COL19A1: variants seen among roughly 807,000 people sequenced by gnomAD.
COL19A1 encodes the protein collagen type XIX alpha 1 chain.
A neutral mutation model predicts 190.2 loss-of-function variants in COL19A1; 159 were observed. That is an observed-to-expected ratio of 0.84 (90% CI 0.73 to 0.95). COL19A1 has a LOEUF of 0.95. Ranked by LOEUF, COL19A1 falls within the 40% of genes least tolerant of loss-of-function variation. The probability of loss-of-function intolerance (pLI) is 0.00; values close to 1 mark genes in which losing one functional copy is unlikely to be tolerated. For synonymous variants in COL19A1, 509 were observed against 458.9 expected (o/e 1.11, Z -1.39); for missense variants, 1,418 against 1,431.9 (o/e 0.99, Z 0.16).
chr6:69,989,074 G>A (rs991229692), intron 11 of COL19A1, among the ~76,000 whole-genome samples: 2 of 152,080 alleles, frequency 1.3e-5, no homozygotes, highest in African/African-American at 2.4e-5. Context: ...TCAGCCCCAT[G>A]GCATTTCCCT....
chr6:70,154,112 C>G (rs1347290665), intron 31 of COL19A1, among the ~76,000 whole-genome samples: 4 of 149,476 alleles, frequency 2.7e-5, no homozygotes, highest in African/African-American at 7.5e-5. Flanking sequence ...CCCCTACCCC[C>G]CCCAACCCCC....
intron 4 of COL19A1, among the ~76,000 whole-genome samples, chr6:69,925,145 C>T (rs553394675): frequency 6.6e-6 from 1 of 152,304 alleles, no homozygotes; most frequent in Admixed American, 6.5e-5. Context: ...GTGTTTTAGA[C>T]ATGAAGTCTT....
chr6:70,141,731 T>G (rs1365657412), intron 20 of COL19A1, among the ~76,000 whole-genome samples, 162 bp from the exon 21 acceptor site: 1 of 152,084 alleles, frequency 6.6e-6, no homozygotes, highest in Non-Finnish European at 1.5e-5. Flanking sequence ...TAGTAAGTAT[T>G]TTGAATCATG....
At chr6:70,123,886 C>T (rs1054582424) in intron 17 of COL19A1, among the ~76,000 whole-genome samples, 5 of 150,170 alleles carry the variant, frequency 3.3e-5, no homozygotes, top group African/African-American at 9.8e-5. Flanking sequence ...GGGTGCAGCA[C>T]ACCAGCATGG....
At chr6:70,022,532 T>C (rs1440285096) in intron 11 of COL19A1, among the ~76,000 whole-genome samples, 1 of 152,166 alleles carries the variant, frequency 6.6e-6, no homozygotes, top group Non-Finnish European at 1.5e-5. Flanking sequence ...TTTTCAAAAA[T>C]TGTATTATAC....
chr6:69,988,064 G>A (rs1466592426), intron 11 of COL19A1, among the ~76,000 whole-genome samples: 1 of 152,166 alleles, frequency 6.6e-6, no homozygotes, highest in Non-Finnish European at 1.5e-5. Context: ...TGACCCTGCT[G>A]TAAGAAACAG....
chr6:69,881,660 T>G (rs535542695), intron 2 of COL19A1, among the ~76,000 whole-genome samples: 3 of 152,326 alleles, frequency 2.0e-5, no homozygotes, highest in South Asian at 4.1e-4. Context: ...TTCCCAACAA[T>G]GTGAATTCAA....
intron 24 of COL19A1, among the ~76,000 whole-genome samples, chr6:70,144,654 A>C (rs1430979303): frequency 1.3e-5 from 2 of 152,208 alleles, no homozygotes; most frequent in Non-Finnish European, 2.9e-5. Flanking sequence ...ATTTATTAAT[A>C]GATATGCCCT....
chr6:70,152,981 A>G (rs566536195), intron 31 of COL19A1, among the ~76,000 whole-genome samples: 3 of 152,118 alleles, frequency 2.0e-5, no homozygotes, highest in African/African-American at 7.2e-5. Context: ...CTAATTGACA[A>G]TCTCGCCCGG....
At chr6:70,105,645 A>C (rs1783907901) in intron 16 of COL19A1, among the ~76,000 whole-genome samples, 1 of 152,130 alleles carries the variant, frequency 6.6e-6, no homozygotes, top group Non-Finnish European at 1.5e-5. Flanking sequence ...CCTTTATGAC[A>C]TGCATCTTAC....
chr6:69,986,590 G>T (rs1354644457), intron 11 of COL19A1, among the ~76,000 whole-genome samples: 1 of 152,126 alleles, frequency 6.6e-6, no homozygotes, highest in Non-Finnish European at 1.5e-5. Flanking sequence ...TTATTTTAAT[G>T]TGCAAACCTA....
chr6:70,198,533 AT>A (rs1168252266), intron 48 of COL19A1, among the ~76,000 whole-genome samples: 2 of 152,290 alleles, frequency 1.3e-5, no homozygotes, highest in African/African-American at 4.8e-5. Context: ...CATATATTAG[AT>A]TTTTTAAATG....
In COL19A1 at chr6:70,165,932, C is replaced by A. The variant is rs1394858973; in HGVS notation, c.2401-9C>A. 4 of 1,613,566 alleles carry A rather than the reference C, an allele frequency of 2.5e-6. No individual in the cohort carries two copies. Among genetic ancestry groups the A allele is most frequent in the South Asian group, 1.1e-5 (1 of 91,052 alleles). Reference sequence around the variant, plus strand: ...CTACGCCGCTGATATGTCTATATATCCCTTGCAGGGCAGCGACGGACCCCC... The same window carrying A: ...CTACGCCGCTGATATGTCTATATATACCTTGCAGGGCAGCGACGGACCCCC... On this transcript the variant is annotated splice_polypyrimidine_tract_variant and intron_variant, in intron 36 of 50. Transcript: ENST00000620364.
intron 12 of COL19A1, among the ~76,000 whole-genome samples, chr6:70,025,470 G>A (rs903418231): frequency 1.3e-5 from 2 of 152,200 alleles, no homozygotes; most frequent in African/African-American, 4.8e-5. Flanking sequence ...TACATGTAAG[G>A]CACAGTGAGA....
At chr6:70,008,287 C>T (rs1279332484) in intron 11 of COL19A1, among the ~76,000 whole-genome samples, 1 of 151,512 alleles carries the variant, frequency 6.6e-6, no homozygotes, top group Non-Finnish European at 1.5e-5. Flanking sequence ...AATTGGTGAA[C>T]TTCTAGCCAG....
intron 9 of COL19A1, among the ~76,000 whole-genome samples, chr6:69,955,521 AAGTGTGTGTGTGTGTGTGTG>A (rs937645565): frequency 2.0e-4 from 26 of 129,714 alleles, no homozygotes; most frequent in Admixed American, 5.5e-4. Context: ...AGCCACAGCA[AAGTGTGTGTGTGTGTGTGTG>A]TGTGTGTGTG....
intron 15 of COL19A1, among the ~76,000 whole-genome samples, chr6:70,082,559 T>C (rs937810366): frequency 9.9e-5 from 15 of 152,038 alleles, no homozygotes; most frequent in African/African-American, 3.6e-4. Flanking sequence ...ACTAGAGGTG[T>C]GTGCCACCAC....
chr6:70,070,184 G>A (rs887754656), intron 15 of COL19A1, among the ~76,000 whole-genome samples: 2 of 152,018 alleles, frequency 1.3e-5, no homozygotes, highest in Non-Finnish European at 2.9e-5. Flanking sequence ...ATTTAAATGA[G>A]GCTTTTTAGA....
chr6:69,935,005 C>A (rs1395345922), intron 7 of COL19A1, among the ~76,000 whole-genome samples: 4 of 151,836 alleles, frequency 2.6e-5, no homozygotes, highest in Non-Finnish European at 5.9e-5. Context: ...TTCTGGTTGT[C>A]AATATTTTAT....
Sources: allele counts gnomAD v4.1 joint callset (sites outside exome capture counted in the v4.1 genomes callset), GRCh38; gene constraint gnomAD v4.1.1; transcripts MANE v1.5; gene names NCBI Gene and HGNC (gene_info 2026-07-23, HGNC 2026-07-21).